Variants in CHL1 observed in about 807,000 individuals in gnomAD.
CHL1 encodes neural cell adhesion molecule L1-like protein.
CHL1 carries 96 observed loss-of-function variants against 141.9 expected under a neutral mutation model. That is an observed-to-expected ratio of 0.68 (90% CI 0.57 to 0.80). CHL1 has a LOEUF of 0.80. CHL1 is among the 30% of genes least tolerant of loss of function. CHL1 has a pLI of 0.00. For missense variants in CHL1, 1,820 were observed against 1,457.2 expected (o/e 1.25, Z -4.05); for synonymous variants, 613 against 502.2 (o/e 1.22, Z -2.95).
intron 3 of CHL1, among the ~76,000 whole-genome samples, chr3:322,376 A>T (rs1700634616): frequency 6.6e-6 from 1 of 151,878 alleles, no homozygotes; most frequent in Non-Finnish European, 1.5e-5. Context: ...CTGGCTGTCA[A>T]TGCTCAAAAT....
At chr3:382,698 T>C in intron 18 of CHL1, 27 bp downstream of exon 18, 3 of 1,584,422 alleles carry the variant, frequency 1.9e-6, no homozygotes, top group Non-Finnish European at 2.6e-6. Flanking sequence ...ATCAGGTTTC[T>C]AACAAAATAT....
intron 24 of CHL1, 94 bp from the exon 25 acceptor site, chr3:398,133 G>A: frequency 1.4e-6 from 1 of 723,752 alleles, no homozygotes; most frequent in Non-Finnish European, 2.1e-6. Flanking sequence ...TATGGTATAA[G>A]TGACTTTCTT....
At chr3:389,570 A>G in intron 20 of CHL1, 96 bp downstream of exon 20, 2 of 908,326 alleles carry the variant, frequency 2.2e-6, no homozygotes. Flanking sequence ...CAACTACTGC[A>G]TGCAAAGAGG....
intron 16 of CHL1, 32 bp downstream of exon 16, chr3:377,974 A>G (rs1286056322): frequency 1.3e-6 from 2 of 1,560,560 alleles, no homozygotes; most frequent in Non-Finnish European, 1.7e-6. Context: ...AAATCTGTTC[A>G]TTTCTTCATT....
chr3:272,949 G>A (rs1695769555), intron 2 of CHL1, among the ~76,000 whole-genome samples: 1 of 152,164 alleles, frequency 6.6e-6, no homozygotes, highest in Non-Finnish European at 1.5e-5. Flanking sequence ...AAGAGATAAT[G>A]AAGGGCCACC....
intron 1 of CHL1, among the ~76,000 whole-genome samples, chr3:242,415 T>C (rs1488606432): frequency 2.2e-5 from 3 of 137,950 alleles, no homozygotes; most frequent in Non-Finnish European, 4.7e-5. Context: ...GCTAACACGG[T>C]GAAACCCCGT....
chr3:401,116 G>T (rs1709094234), intron 26 of CHL1, among the ~76,000 whole-genome samples: 1 of 152,014 alleles, frequency 6.6e-6, no homozygotes, highest in African/African-American at 2.4e-5. Flanking sequence ...TGCCCAGGCT[G>T]GTTTCAAACT....
Position 349,366 on chromosome 3 carries a change from C to G in CHL1, c.856C>G (p.Pro286Ala). The change falls in exon 10 of 28, where the codon CCA becomes GCA. Residue 286 changes from proline (P) to alanine (A), a missense_variant. Pro to Ala is a conservative substitution (Grantham distance 27). Transcript: ENST00000256509. ...TTTAACTATTTTTTGCAGGCCAACTCCACAGGTTGATTGGAACAAAATTGG... is the reference window on the plus strand; with the variant it reads ...TTTAACTATTTTTTGCAGGCCAACTGCACAGGTTGATTGGAACAAAATTGG... The part of the protein sequence containing the change: ...LECFAEGLPT[P>A]QVDWNKIGGD... 1 of 1,612,442 alleles carries G rather than the reference C, an allele frequency of 6.2e-7. No individual in the cohort carries two copies. Among genetic ancestry groups the G allele is most frequent in the Non-Finnish European group, 8.5e-7 (1 of 1,179,296 alleles).
At chr3:327,190 T>G (rs1030927244) in intron 4 of CHL1, among the ~76,000 whole-genome samples, 1 of 151,888 alleles carries the variant, frequency 6.6e-6, no homozygotes, top group African/African-American at 2.4e-5. Context: ...ACATGTCCAT[T>G]GAAGGTTTGT....
intron 11 of CHL1, 130 bp from the exon 12 acceptor site, chr3:360,154 G>A: frequency 1.1e-6 from 1 of 895,896 alleles, no homozygotes; most frequent in South Asian, 2.0e-5. Flanking sequence ...TAAAGAATTG[G>A]CTTCAATGAA....
intron 15 of CHL1, among the ~76,000 whole-genome samples, chr3:377,421 G>A (rs554732516): frequency 7.9e-5 from 12 of 152,140 alleles, no homozygotes; most frequent in Non-Finnish European, 1.8e-4. Flanking sequence ...TCAGGAATCT[G>A]CCTTTGTAGG....
chr3:292,801 C>T (rs1020578947), intron 2 of CHL1, among the ~76,000 whole-genome samples: 4 of 152,222 alleles, frequency 2.6e-5, no homozygotes, highest in African/African-American at 9.6e-5. Context: ...GGGGGAGGCG[C>T]CACACGCTTC....
At chr3:378,010 C>A in intron 16 of CHL1, 68 bp downstream of exon 16, 1 of 1,377,698 alleles carries the variant, frequency 7.3e-7, no homozygotes, top group African/African-American at 1.5e-5. Flanking sequence ...TCGTTCCTGG[C>A]CAATAAAGCT....
chr3:212,411 C>A (rs1285829739), intron 1 of CHL1, among the ~76,000 whole-genome samples: 1 of 152,108 alleles, frequency 6.6e-6, no homozygotes, highest in African/African-American at 2.4e-5. Flanking sequence ...TTCAACTTTC[C>A]CCTCAATACA....
intron 1 of CHL1, among the ~76,000 whole-genome samples, chr3:239,342 C>T (rs1490131254): frequency 6.6e-6 from 1 of 152,124 alleles, no homozygotes; most frequent in East Asian, 1.9e-4. Flanking sequence ...TTCTAAAAGG[C>T]TACTTGATTA....
chr3:325,199 G>A (rs1265294949), intron 3 of CHL1, among the ~76,000 whole-genome samples: 1 of 151,664 alleles, frequency 6.6e-6, no homozygotes, highest in Non-Finnish European at 1.5e-5. Flanking sequence ...AGGGAATAAG[G>A]AGTTTATATT....
At chr3:376,531 G>A (rs377748576) in intron 15 of CHL1, 49 of 417,514 alleles carry the variant, frequency 1.2e-4, no homozygotes, top group African/African-American at 8.2e-4. Flanking sequence ...AAGGCATAGT[G>A]CAACCATGAC....
intron 16 of CHL1, among the ~76,000 whole-genome samples, chr3:379,950 A>G (rs1159839476): frequency 6.6e-6 from 1 of 152,098 alleles, no homozygotes; most frequent in Non-Finnish European, 1.5e-5. Flanking sequence ...TACATACTTG[A>G]CCCCCTTTAA....
intron 4 of CHL1, among the ~76,000 whole-genome samples, chr3:327,022 G>T (rs1701070777): frequency 6.6e-6 from 1 of 151,692 alleles, no homozygotes; most frequent in Non-Finnish European, 1.5e-5. Context: ...AATCAATATG[G>T]ATATATTGAT....
Sources: gnomAD v4.1 joint callset for allele counts (sites outside exome capture counted in the v4.1 genomes callset) on GRCh38, gnomAD v4.1.1 for gene constraint, MANE v1.5 for transcripts, NCBI Gene and HGNC (gene_info 2026-07-23, HGNC 2026-07-21) for gene names.